MYT1L: variants seen among roughly 807,000 people sequenced by gnomAD.
MYT1L encodes the protein myelin transcription factor 1-like protein.
In MYT1L, 12 loss-of-function variants were observed where a neutral mutation model predicts 126.7. That is an observed-to-expected ratio of 0.09 (90% CI 0.06 to 0.15). The LOEUF (loss-of-function observed/expected upper bound fraction) is 0.15. Among genes scored for constraint, MYT1L ranks in the 10% least tolerant of loss-of-function variants. MYT1L has a pLI of 1.00. For synonymous variants in MYT1L, 541 were observed against 604.2 expected (o/e 0.90, Z 1.53); for missense variants, 979 against 1,585.2 (o/e 0.62, Z 6.49).
chr2:1,881,341 T>C (rs1314861093), intron 18 of MYT1L, among the ~76,000 whole-genome samples: 2 of 150,414 alleles, frequency 1.3e-5, no homozygotes, highest in East Asian at 2.0e-4. Flanking sequence ...TGGTTTATTG[T>C]TGGTTTGCAG....
At chr2:1,794,189 CT>C (rs1335379938) in intron 23 of MYT1L, among the ~76,000 whole-genome samples, 2 of 152,186 alleles carry the variant, frequency 1.3e-5, no homozygotes, top group East Asian at 1.9e-4. Context: ...GGTGGCTTTC[CT>C]AGACGGTGGC....
intron 21 of MYT1L, among the ~76,000 whole-genome samples, chr2:1,813,740 G>A (rs2037101692): frequency 6.6e-6 from 1 of 151,940 alleles, no homozygotes; most frequent in South Asian, 2.1e-4. Context: ...AGAAAAATTA[G>A]CTTCCGGCCG....
At chr2:1,914,215 T>C (rs1444935321) in intron 11 of MYT1L, among the ~76,000 whole-genome samples, 1 of 151,834 alleles carries the variant, frequency 6.6e-6, no homozygotes, top group Non-Finnish European at 1.5e-5. Flanking sequence ...GATTACGCCA[T>C]TGCACTCCAG....
At chr2:1,865,329 T>C (rs1398044581) in intron 18 of MYT1L, among the ~76,000 whole-genome samples, 1 of 152,138 alleles carries the variant, frequency 6.6e-6, no homozygotes, top group African/African-American at 2.4e-5. Context: ...CCGTGCGGGG[T>C]TCCTGTGGGC....
At chr2:2,167,844 GC>G (rs2089408287) in intron 3 of MYT1L, among the ~76,000 whole-genome samples, 1 of 152,052 alleles carries the variant, frequency 6.6e-6, no homozygotes, top group South Asian at 2.1e-4. Flanking sequence ...TTATTAAATG[GC>G]TCAACAAGAA....
intron 21 of MYT1L, 60 bp downstream of exon 21, chr2:1,839,089 G>A (rs563031350): frequency 6.6e-5 from 97 of 1,459,794 alleles, no homozygotes; most frequent in Middle Eastern, 4.6e-4. Context: ...ATAACCAGCC[G>A]TGCCAGTCGG....
At chr2:2,033,541 C>T (rs2066641627) in intron 4 of MYT1L, among the ~76,000 whole-genome samples, 1 of 152,178 alleles carries the variant, frequency 6.6e-6, no homozygotes, top group South Asian at 2.1e-4. Flanking sequence ...AATGCTACTC[C>T]CTGAAAAGAA....
chr2:1,928,670 T>A (rs1196047277), intron 9 of MYT1L, among the ~76,000 whole-genome samples: 1 of 149,450 alleles, frequency 6.7e-6, no homozygotes, highest in African/African-American at 2.5e-5. Flanking sequence ...ATCTTCCGAG[T>A]TTTTTTTTCT....
chr2:1,980,444 C>T (rs1176534005), intron 5 of MYT1L, among the ~76,000 whole-genome samples: 6 of 151,908 alleles, frequency 3.9e-5, no homozygotes, highest in East Asian at 3.9e-4. Flanking sequence ...CCATCAGGGG[C>T]GCGCTCTCAA....
chr2:2,149,389 G>A lies in MYT1L; in HGVS notation c.-304+23483C>T, dbSNP rs143366320. 2.8e-4 allele frequency among the ~76,000 whole-genome samples: 43 copies of A among 152,354 alleles called. No homozygotes were observed. In the East Asian group the frequency reaches 7.7e-3, roughly 27 times the overall value. On this transcript the variant is annotated intron_variant, in intron 3 of 24. Transcript: ENST00000647738. ...GCATATGTGTGCTGTGTTAGGCACT[G>A]CATGGAGATTATCAACAATTGCATG...
intron 9 of MYT1L, among the ~76,000 whole-genome samples, chr2:1,925,842 C>A (rs1248816748): frequency 6.6e-6 from 1 of 152,186 alleles, no homozygotes; most frequent in Non-Finnish European, 1.5e-5. Context: ...TGACCCAAGT[C>A]TCCAAGACTT....
At chr2:2,209,674 A>AT (rs1451679416) in intron 2 of MYT1L, among the ~76,000 whole-genome samples, 2 of 152,172 alleles carry the variant, frequency 1.3e-5, no homozygotes, top group South Asian at 2.1e-4. Flanking sequence ...TGTATGCCAC[A>AT]TTTTTTTAAT....
intron 8 of MYT1L, among the ~76,000 whole-genome samples, chr2:1,963,369 T>C (rs966496945): frequency 2.6e-5 from 4 of 152,262 alleles, no homozygotes; most frequent in Admixed American, 6.5e-5. Context: ...AGATTTAGTA[T>C]AATTCTTAAG....
At position 1,910,426 on chromosome 2, in the gene MYT1L, C is replaced by T. The variant is rs1043333213; in HGVS notation, c.1710-79G>A. ...CACTAATCCTCCCTTAGCACCAAGA[C>T]CCTGATGCAGGTGGAGCTGGTGAGG... On this transcript the variant is annotated intron_variant, in intron 12 of 24. Transcript: ENST00000647738. The surrounding 1 kb of genome is among the most constrained non-coding windows in gnomAD (Gnocchi z 4.8). 7.6e-6 allele frequency: 10 copies of T among 1,321,088 alleles called. No homozygotes were observed. Among genetic ancestry groups the T allele is most frequent in the African/African-American group, 4.3e-5 (3 of 69,332 alleles). The allele number at this position is 1,321,088 out of a possible 1,614,324, so 81.8% of individuals were successfully genotyped here.
At chr2:2,127,135 G>A (rs202061253) in intron 3 of MYT1L, among the ~76,000 whole-genome samples, 1 of 152,082 alleles carries the variant, frequency 6.6e-6, no homozygotes, top group African/African-American at 2.4e-5. Flanking sequence ...AGGTTTTTAC[G>A]CAGGTAAACT....
intron 1 of MYT1L, among the ~76,000 whole-genome samples, chr2:2,328,521 C>T (rs867063156): frequency 1.3e-5 from 2 of 152,224 alleles, no homozygotes; most frequent in Middle Eastern, 3.4e-3. Flanking sequence ...AATCATTGGG[C>T]CTTTACCTTG....
At chr2:2,135,960 A>C (rs1310523623) in intron 3 of MYT1L, among the ~76,000 whole-genome samples, 1 of 152,160 alleles carries the variant, frequency 6.6e-6, no homozygotes. Context: ...AATATCAAAG[A>C]CTTGAAACCA....
At chr2:1,850,037 G>A (rs2043015143) in intron 19 of MYT1L, among the ~76,000 whole-genome samples, 1 of 150,748 alleles carries the variant, frequency 6.6e-6, no homozygotes, top group South Asian at 2.1e-4. Context: ...GTGGTGAGGG[G>A]GGGGCCATTA....
chr2:2,093,010 G>GCTGAAGAA, intron 3 of MYT1L, among the ~76,000 whole-genome samples: 1 of 152,110 alleles, frequency 6.6e-6, no homozygotes, highest in African/African-American at 2.4e-5. Flanking sequence ...CGATTTTCAG[G>GCTGAAGAA]TTACAATACA....
Sources: gnomAD v4.1 joint callset for allele counts (sites outside exome capture counted in the v4.1 genomes callset) on GRCh38, gnomAD v4.1.1 for gene constraint, Gnocchi (gnomAD v3.1) non-coding constraint, MANE v1.5 for transcripts, NCBI Gene and HGNC (gene_info 2026-07-23, HGNC 2026-07-21) for gene names.